Variants in JAM3 observed in about 807,000 individuals in gnomAD.
The protein encoded by JAM3 is junctional adhesion molecule 3.
In JAM3, 31 loss-of-function variants were observed where a neutral mutation model predicts 39.4. The ratio of observed to expected loss-of-function variants is 0.79; its 90% CI spans 0.59 to 1.06. The LOEUF is 1.06. JAM3 is among the 50% of genes least tolerant of loss of function. JAM3 has a pLI of 0.00. For synonymous variants in JAM3, 182 were observed against 148.7 expected (o/e 1.22, Z -1.63); for missense variants, 455 against 391.4 (o/e 1.16, Z -1.37).
intron 1 of JAM3, among the ~76,000 whole-genome samples, chr11:134,099,513 CTG>C (rs1385092134): frequency 2.0e-5 from 3 of 152,226 alleles, no homozygotes; most frequent in Non-Finnish European, 4.4e-5. Flanking sequence ...CTGTAATTAA[CTG>C]TACTGCATTT....
At chr11:134,112,081 G>A (rs1213521961) in intron 1 of JAM3, among the ~76,000 whole-genome samples, 6 of 152,058 alleles carry the variant, frequency 3.9e-5, no homozygotes, top group Non-Finnish European at 7.4e-5. Context: ...CTTTTATTAC[G>A]GTAAAGCAAT....
At chr11:134,113,179 T>G (rs1942350084) in intron 1 of JAM3, among the ~76,000 whole-genome samples, 1 of 150,842 alleles carries the variant, frequency 6.6e-6, no homozygotes, top group Non-Finnish European at 1.5e-5. Flanking sequence ...ACAATGTGGG[T>G]TCTGGGACTG....
At chr11:134,130,352 TC>T (rs960815749) in intron 1 of JAM3, among the ~76,000 whole-genome samples, 1 of 152,202 alleles carries the variant, frequency 6.6e-6, no homozygotes, top group African/African-American at 2.4e-5. Flanking sequence ...TGTGTCTTTT[TC>T]CCCTACTTAA....
intron 1 of JAM3, among the ~76,000 whole-genome samples, chr11:134,112,689 C>G (rs941047112): frequency 6.6e-6 from 1 of 152,104 alleles, no homozygotes; most frequent in African/African-American, 2.4e-5. Context: ...CAAGGAAACT[C>G]ACTCACACAG....
intron 1 of JAM3, among the ~76,000 whole-genome samples, chr11:134,126,718 C>A (rs1342194735): frequency 6.6e-6 from 1 of 152,142 alleles, no homozygotes; most frequent in African/African-American, 2.4e-5. Context: ...TCAGGTCTTC[C>A]TGTGTAGAAA....
chr11:134,106,807 G>A (rs1350077199), intron 1 of JAM3, among the ~76,000 whole-genome samples: 3 of 152,180 alleles, frequency 2.0e-5, no homozygotes, highest in Non-Finnish European at 4.4e-5. Flanking sequence ...AGTTAGAATT[G>A]CGATCATTAA....
chr11:134,111,169 A>T, intron 1 of JAM3, among the ~76,000 whole-genome samples: 1 of 95,064 alleles, frequency 1.1e-5, no homozygotes, highest in Admixed American at 1.6e-4. Context: ...TTTGAGATGG[A>T]GTCTCACTCT....
chr11:134,117,045 G>T (rs962362691), intron 1 of JAM3, among the ~76,000 whole-genome samples: 5 of 151,408 alleles, frequency 3.3e-5, no homozygotes, highest in African/African-American at 4.9e-5. Flanking sequence ...ATACAACCAG[G>T]CATGAAAAAG....
intron 1 of JAM3, among the ~76,000 whole-genome samples, chr11:134,138,981 C>T (rs1025910545): frequency 5.3e-5 from 8 of 152,150 alleles, no homozygotes; most frequent in African/African-American, 1.9e-4. Flanking sequence ...TTATCATAAG[C>T]CAGGACCCAG....
intron 1 of JAM3, among the ~76,000 whole-genome samples, chr11:134,133,055 G>C (rs575524390): frequency 4.6e-5 from 7 of 152,252 alleles, no homozygotes; most frequent in South Asian, 2.1e-4. Flanking sequence ...AGGTTGTTCA[G>C]CTTTTTACTT....
chr11:134,127,998 C>T (rs1237633070), intron 1 of JAM3, among the ~76,000 whole-genome samples: 1 of 152,032 alleles, frequency 6.6e-6, no homozygotes, highest in South Asian at 2.1e-4. Flanking sequence ...ATATTGACCC[C>T]CACTATGAAT....
At chr11:134,103,003 TACAG>T (rs1200922329) in intron 1 of JAM3, among the ~76,000 whole-genome samples, 2 of 152,046 alleles carry the variant, frequency 1.3e-5, no homozygotes, top group Non-Finnish European at 2.9e-5. Flanking sequence ...ATTCAGGAAA[TACAG>T]ACAATGCCAC....
intron 1 of JAM3, among the ~76,000 whole-genome samples, chr11:134,071,717 C>T (rs147941916): frequency 6.6e-6 from 1 of 152,052 alleles, no homozygotes; most frequent in South Asian, 2.1e-4. Context: ...ATGTTTAATT[C>T]TTTTATTTGC....
In JAM3 at chr11:134,076,364, A is replaced by G. The variant is rs373848887; in HGVS notation, c.76+7205A>G. Among the ~76,000 whole-genome samples the G allele has an allele frequency of 2.8e-3, 421 of 151,974 alleles. 2 individuals are homozygous for G. Among genetic ancestry groups the G allele is most frequent in the African/African-American group, 9.4e-3 (389 of 41,452 alleles). ...GAGATGGGGTTTCTCCATGTTGATCAGGCTGGTCTCGAATTCCCGACCTCA... is the reference window on the plus strand; with the variant it reads ...GAGATGGGGTTTCTCCATGTTGATCGGGCTGGTCTCGAATTCCCGACCTCA... On this transcript the variant is annotated intron_variant, in intron 1 of 8. Coordinates refer to ENST00000299106, the MANE Select transcript of JAM3 (RefSeq NM_032801.5).
At chr11:134,121,476 C>CTT (rs796353940) in intron 1 of JAM3, among the ~76,000 whole-genome samples, 3 of 145,736 alleles carry the variant, frequency 2.1e-5, no homozygotes, top group Admixed American at 6.9e-5. Flanking sequence ...CAGCTCCCTC[C>CTT]TTTTTTTTTT....
chr11:134,088,084 A>G (rs557668662), intron 1 of JAM3, among the ~76,000 whole-genome samples: 1 of 152,324 alleles, frequency 6.6e-6, no homozygotes, highest in African/African-American at 2.4e-5. Flanking sequence ...ATGCCCAGGG[A>G]TGTTCAATGC....
chr11:134,145,082 G>A (rs1323932518), intron 5 of JAM3, 88 bp downstream of exon 5: 2 of 1,104,814 alleles, frequency 1.8e-6, no homozygotes, highest in Non-Finnish European at 2.8e-6. Flanking sequence ...GAGAGATACT[G>A]AAACTTCTTG....
At chr11:134,078,691 C>T (rs1311034320) in intron 1 of JAM3, among the ~76,000 whole-genome samples, 1 of 152,106 alleles carries the variant, frequency 6.6e-6, no homozygotes, top group Non-Finnish European at 1.5e-5. Flanking sequence ...AGTCACACAC[C>T]CTTCTTTAAG....
At position 134,146,038 on chromosome 11, in the gene JAM3, G is replaced by A; in HGVS notation, c.705G>A (p.Met235Ile). Residue 235 changes from methionine to isoleucine, a missense_variant, in exon 6 of 9, where the codon ATG (methionine) becomes ATA (isoleucine). Transcript: ENST00000299106. ...AGSARCEEQE[M>I]EVYDLNIGGI... is the part of the protein sequence containing the mutation. The stretch of plus-strand genomic sequence containing the variant: ...CAGCCAGGTGTGAGGAGCAGGAGAT[G>A]GAAGTCTGTGAGTTTCTTTTTTGAA... The A allele has an allele frequency of 6.2e-7, 1 of 1,611,102 alleles. No homozygotes were observed. The highest frequency in any genetic ancestry group is 8.5e-7 in the Non-Finnish European group (1 of 1,177,176).
Sources: allele counts gnomAD v4.1 joint callset (sites outside exome capture counted in the v4.1 genomes callset), GRCh38; gene constraint gnomAD v4.1.1; transcripts MANE v1.5; gene names NCBI Gene and HGNC (gene_info 2026-07-23, HGNC 2026-07-21).